Variants in SASH1 observed in about 807,000 individuals in gnomAD.
SASH1 encodes the protein SAM and SH3 domain-containing protein 1.
A neutral mutation model predicts 125.2 loss-of-function variants in SASH1; 44 were observed. The ratio of observed to expected loss-of-function variants is 0.35; its 90% confidence interval spans 0.28 to 0.45. SASH1 has a LOEUF of 0.45. Among genes scored for constraint, SASH1 ranks in the 20% least tolerant of loss-of-function variants. The probability of loss-of-function intolerance (pLI) is 1.00; values close to 1 mark genes in which losing one functional copy is unlikely to be tolerated. For synonymous variants in SASH1, 639 were observed against 649.1 expected (o/e 0.98, Z 0.24); for missense variants, 1,426 against 1,614.5 (o/e 0.88, Z 2.00).
the SASH1 span, among the ~76,000 whole-genome samples, chr6:148,202,167 T>C: frequency 1.3e-5 from 2 of 152,022 alleles, no homozygotes; most frequent in Non-Finnish European, 2.9e-5. Context: ...CTCCAAAGAA[T>C]GAAAGTCAGG....
In SASH1 at chr6:148,532,986, C is replaced by A. The variant is rs771425571; in HGVS notation, c.1734+20C>A. On this transcript the variant is annotated intron_variant, in intron 14 of 19. Transcript: ENST00000367467. The surrounding 1 kb of genome is among the most constrained non-coding windows in gnomAD (Gnocchi z 4.7). ...CTCAAGGTATCTCTCTCCCTGGCCT[C>A]AGAGCAGCTAACTGGGCTCTTCCAT... 3.1e-6 allele frequency: 5 copies of A among 1,612,188 alleles called. No homozygotes were observed. The Admixed American group carries it at 8.3e-5, about 27-fold the overall frequency.
chr6:148,242,065 G>C, the SASH1 span, among the ~76,000 whole-genome samples: 1 of 152,158 alleles, frequency 6.6e-6, no homozygotes, highest in African/African-American at 2.4e-5. Context: ...TTAGTTTCTT[G>C]GTGCCTTAGT....
intron 7 of SASH1, among the ~76,000 whole-genome samples, chr6:148,474,582 G>GT (rs1240935110): frequency 6.6e-6 from 1 of 151,978 alleles, no homozygotes. Context: ...AGGATTTTTT[G>GT]TTTTTTTGAG....
the SASH1 span, among the ~76,000 whole-genome samples, chr6:148,213,705 T>G: frequency 6.6e-6 from 1 of 152,166 alleles, no homozygotes; most frequent in Admixed American, 6.5e-5. Flanking sequence ...GAGGTCGCTT[T>G]CAGTTCAGGA....
chr6:148,457,080 G>T (rs1583191864), intron 4 of SASH1, among the ~76,000 whole-genome samples: 1 of 147,246 alleles, frequency 6.8e-6, no homozygotes. Flanking sequence ...AAAAACCTAA[G>T]TAAAATTTAA....
chr6:148,244,375 G>A, the SASH1 span, among the ~76,000 whole-genome samples: 1 of 152,180 alleles, frequency 6.6e-6, no homozygotes, highest in Non-Finnish European at 1.5e-5. Context: ...TTTATTCACA[G>A]GCCTTGGTCT....
At chr6:148,526,911 C>T (rs1781204909) in intron 11 of SASH1, among the ~76,000 whole-genome samples, 2 of 148,956 alleles carry the variant, frequency 1.3e-5, no homozygotes, top group African/African-American at 2.5e-5. Context: ...CTCACTCTGT[C>T]GCCCAGGCTG....
At chr6:148,304,764 A>T (rs1780077285) in intron 1 of SASH1, among the ~76,000 whole-genome samples, 1 of 152,356 alleles carries the variant, frequency 6.6e-6, no homozygotes, top group East Asian at 1.9e-4. Flanking sequence ...GCCATGGCTC[A>T]CGCCTGTAAT....
chr6:148,226,032 C>T, the SASH1 span, among the ~76,000 whole-genome samples: 1 of 152,178 alleles, frequency 6.6e-6, no homozygotes, highest in African/African-American at 2.4e-5. Flanking sequence ...GAAAAGGAAG[C>T]CACTTTCCCC....
At chr6:148,297,804 T>G (rs1382065189) in intron 1 of SASH1, among the ~76,000 whole-genome samples, 1 of 151,850 alleles carries the variant, frequency 6.6e-6, no homozygotes, top group Non-Finnish European at 1.5e-5. Context: ...CCCTCCAGCC[T>G]GGGTGACAGA....
intron 2 of SASH1, among the ~76,000 whole-genome samples, chr6:148,399,426 A>G (rs1285198844): frequency 1.3e-5 from 2 of 151,764 alleles, no homozygotes; most frequent in African/African-American, 4.8e-5. Context: ...AGGTTTCACC[A>G]TGTTGGCTAG....
At chr6:148,353,119 A>G (rs1045208800) in intron 1 of SASH1, among the ~76,000 whole-genome samples, 1 of 151,934 alleles carries the variant, frequency 6.6e-6, no homozygotes, top group Non-Finnish European at 1.5e-5. Flanking sequence ...CGCAGGCTGG[A>G]GTGCAGTGGT....
intron 1 of SASH1, among the ~76,000 whole-genome samples, chr6:148,314,340 A>AAAAGTATTCTTTGTAT (rs1164901016): frequency 6.6e-6 from 1 of 152,250 alleles, no homozygotes; most frequent in East Asian, 1.9e-4. Flanking sequence ...TTGTTTATAC[A>AAAAGTATTCTTTGTAT]AAACAAAAAG....
the SASH1 span, among the ~76,000 whole-genome samples, chr6:148,266,107 G>C: frequency 6.6e-6 from 1 of 151,992 alleles, no homozygotes; most frequent in Non-Finnish European, 1.5e-5. Flanking sequence ...TGAGTAGCTG[G>C]GATTGCAGGT....
At chr6:148,434,716 T>A (rs1319397672) in intron 2 of SASH1, among the ~76,000 whole-genome samples, 1 of 152,136 alleles carries the variant, frequency 6.6e-6, no homozygotes, top group Non-Finnish European at 1.5e-5. Context: ...ACAGAAAAAA[T>A]TCACAATTCA....
At chr6:148,472,296 C>CGG (rs1457221007) in intron 6 of SASH1, among the ~76,000 whole-genome samples, 1 of 152,092 alleles carries the variant, frequency 6.6e-6, no homozygotes, top group Non-Finnish European at 1.5e-5. Flanking sequence ...ATGAGAAAAA[C>CGG]GGATGTGAAC....
At chr6:148,287,982 T>C (rs978782948) in intron 1 of SASH1, among the ~76,000 whole-genome samples, 7 of 152,214 alleles carry the variant, frequency 4.6e-5, no homozygotes, top group Non-Finnish European at 7.3e-5. Context: ...CACATCTGTA[T>C]TCAAAGCAAG....
chr6:148,343,232 C>T lies in SASH1; in HGVS notation c.156+9C>T. The T allele has an allele frequency of 6.3e-7, 1 of 1,581,020 alleles. No individual in the cohort carries two copies. Among genetic ancestry groups the T allele is most frequent in the Non-Finnish European group, 8.6e-7 (1 of 1,168,116 alleles). ...ACGTGATGGGTATCCTGGTAAGTTA[C>T]CTGGGGAGGGGGCGGCGCAGGAAGT... On this transcript the variant is annotated intron_variant, in intron 1 of 19. Coordinates refer to ENST00000367467, the MANE Select transcript of SASH1 (RefSeq NM_015278.5).
intron 1 of SASH1, among the ~76,000 whole-genome samples, chr6:148,281,400 C>T (rs928858054): frequency 6.6e-6 from 1 of 152,136 alleles, no homozygotes; most frequent in Non-Finnish European, 1.5e-5. Flanking sequence ...TTTATATCAC[C>T]TACACCCCTT....
Sources: allele counts gnomAD v4.1 joint callset (sites outside exome capture counted in the v4.1 genomes callset), GRCh38; gene constraint gnomAD v4.1.1; non-coding constraint Gnocchi (gnomAD v3.1); transcripts MANE v1.5; gene names NCBI Gene and HGNC (gene_info 2026-07-23, HGNC 2026-07-21).